ACSF2: variants seen among roughly 807,000 people sequenced by gnomAD.
The protein encoded by ACSF2 is acyl-CoA synthetase family member 2, also known as medium-chain acyl-CoA ligase ACSF2, mitochondrial.
In ACSF2, 52 loss-of-function variants were observed where a neutral mutation model predicts 79.3. The ratio of observed to expected loss-of-function variants is 0.66; its 90% CI spans 0.53 to 0.83. The LOEUF (loss-of-function observed/expected upper bound fraction) is 0.83, where lower values mean the gene tolerates loss of function less well. Among genes scored for constraint, ACSF2 ranks in the 40% least tolerant of loss-of-function variants. ACSF2 has a pLI of 0.00. For synonymous variants in ACSF2, 283 were observed against 312.6 expected, an observed-to-expected ratio of 0.91 and a Z score of 1.00; for missense variants, 661 against 803.3, an observed-to-expected ratio of 0.82 and a Z score of 2.14.
In ACSF2 at chr17:50,463,944, G is replaced by A; in HGVS notation, c.1138+35G>A. The A allele has an allele frequency of 6.3e-7, 1 of 1,598,594 alleles. No homozygotes were observed. The highest frequency in any genetic ancestry group is 1.1e-5 in the South Asian group (1 of 90,774). On this transcript the variant is annotated intron_variant, in intron 9 of 15. Coordinates refer to ENST00000300441, the MANE Select transcript of ACSF2 (RefSeq NM_025149.6). This position sits in a 1 kb window ranked among gnomAD's most constrained non-coding sequence, Gnocchi z 4.6. ...GGCCAAGGGCAGCCAGGCTTGGGGA[G>A]GGGGCTGCTTCCCCCACAGGAATGG...
chr17:50,469,348 T>C lies in ACSF2; in HGVS notation c.1216-1680T>C, dbSNP rs558040189. ...GACAGCTGGATGCGTCTCCCTGCGGTGGGCCAGCTGCCTGCGCTTTAAAGG... is the reference window on the plus strand; with the variant it reads ...GACAGCTGGATGCGTCTCCCTGCGGCGGGCCAGCTGCCTGCGCTTTAAAGG... On this transcript the variant is annotated intron_variant, in intron 10 of 15. Transcript: ENST00000300441. Among the ~76,000 whole-genome samples the C allele has an allele frequency of 6.0e-4, 91 of 152,308 alleles. 4 individuals carry two copies. The South Asian group carries it at 0.019, about 32-fold the overall frequency.
rs753937932 is a variant in ACSF2 at position 50,465,857 on chromosome 17, G to C, written c.1215+1563G>C. 6.8e-6 allele frequency: 11 copies of C among 1,613,768 alleles called. No individual in the cohort carries two copies. The East Asian group carries it at 1.1e-4, about 16-fold the overall frequency. ...TTTCAGCGTGGTTACACCCAGGAAG[G>C]CACCATCTGAGAACTGGGGAGCAAG... On this transcript the variant is annotated intron_variant, in intron 10 of 15. Transcript: ENST00000300441.
intron 1 of ACSF2, among the ~76,000 whole-genome samples, chr17:50,457,644 G>C (rs1176713479): frequency 6.6e-6 from 1 of 152,190 alleles, no homozygotes; most frequent in African/African-American, 2.4e-5. Context: ...TCTTCTTTTG[G>C]TTCTCTTCTT....
intron 1 of ACSF2, among the ~76,000 whole-genome samples, chr17:50,449,168 C>T (rs146402683): frequency 4.6e-5 from 7 of 151,736 alleles, no homozygotes; most frequent in African/African-American, 7.3e-5. Context: ...AGGCGCCCAC[C>T]ACAATGCCCA....
In ACSF2 at chr17:50,467,964, CA is replaced by C; in HGVS notation, c.1216-3063del. On this transcript the variant is annotated intron_variant, in intron 10 of 15. Coordinates refer to ENST00000300441, the MANE Select transcript of ACSF2 (RefSeq NM_025149.6). ...GGAACCTGGGGACGGGGGATGGTGCCAGCTGTGGCCCTGGCTCCTGGGGCCT... is the reference window on the plus strand; with the variant it reads ...GGAACCTGGGGACGGGGGATGGTGCCGCTGTGGCCCTGGCTCCTGGGGCCT... 3.4e-6 allele frequency: 5 copies of C among 1,457,218 alleles called. No homozygotes were observed. In the South Asian group the frequency reaches 7.0e-5, roughly 20 times the overall value. The allele number at this position is 1,457,218 out of a possible 1,614,324, so 90.3% of individuals were successfully genotyped here.
At chr17:50,442,956 CTGGAGTGCAG>C (rs1229284926) in intron 1 of ACSF2, among the ~76,000 whole-genome samples, 2 of 151,364 alleles carry the variant, frequency 1.3e-5, no homozygotes, top group South Asian at 2.1e-4. Context: ...TGTTCCCAGA[CTGGAGTGCAG>C]TGGCGCAATC....
chr17:50,465,135 T>C, intron 10 of ACSF2: 1 of 762,680 alleles, frequency 1.3e-6, no homozygotes, highest in Non-Finnish European at 2.1e-6. Flanking sequence ...GCAGGACCTT[T>C]TCCTCCCTTC....
chr17:50,474,690 C>T lies in ACSF2; in HGVS notation c.*138C>T. ...AATGTCAAGGAATTGACTGAACGAA[C>T]TAAGAGCTCCTGGATGGGTCCGGGA... On this transcript the variant is annotated 3_prime_UTR_variant, in exon 16 of 16. Coordinates refer to ENST00000300441, the MANE Select transcript of ACSF2 (RefSeq NM_025149.6). The surrounding 1 kb of genome is among the most constrained non-coding windows in gnomAD (Gnocchi z 4.2). 2.1e-6 allele frequency: 2 copies of T among 965,566 alleles called. No homozygotes were observed. Among genetic ancestry groups the T allele is most frequent in the Non-Finnish European group, 1.6e-6 (1 of 642,194 alleles). 59.8% of individuals were successfully genotyped at this position (965,566 alleles called of 1,614,324 possible).
chr17:50,464,117 A>G (rs2032528504), intron 9 of ACSF2, 101 bp from the exon 10 acceptor site: 1 of 1,388,534 alleles, frequency 7.2e-7, no homozygotes, highest in Non-Finnish European at 1.0e-6. Flanking sequence ...TCGGGGTCAG[A>G]GGAGAAAAGG....
chr17:50,472,177 C>G (rs1016532180), intron 11 of ACSF2: 2 of 486,432 alleles, frequency 4.1e-6, no homozygotes, highest in African/African-American at 4.1e-5. Context: ...TGCCTGCCCA[C>G]TCTGTTTCCT....
intron 12 of ACSF2, 87 bp downstream of exon 12, chr17:50,472,666 C>T (rs766409758): frequency 6.2e-5 from 91 of 1,458,896 alleles, no homozygotes; most frequent in African/African-American, 2.0e-4. Flanking sequence ...AACCTGGCAC[C>T]GTGAGGATGT....
At chr17:50,439,217 C>G (rs1281803745) in intron 1 of ACSF2, among the ~76,000 whole-genome samples, 1 of 141,392 alleles carries the variant, frequency 7.1e-6, no homozygotes, top group Non-Finnish European at 1.5e-5. Flanking sequence ...ACGACAGGTG[C>G]ATGCTACCAC....
chr17:50,472,965 A>C, intron 12 of ACSF2: 1 of 163,636 alleles, frequency 6.1e-6, no homozygotes, highest in Non-Finnish European at 1.3e-5. Flanking sequence ...AAATAACACC[A>C]AGAAAATAGG....
Position 50,474,441 on chromosome 17 carries a change from C to A in ACSF2, c.1798-61C>A. 1.3e-6 allele frequency: 2 copies of A among 1,579,752 alleles called. No homozygotes were observed. Among genetic ancestry groups the A allele is most frequent in the East Asian group, 2.2e-5 (1 of 44,698 alleles). On this transcript the variant is annotated intron_variant, in intron 15 of 15. Transcript: ENST00000300441. The surrounding 1 kb of genome is among the most constrained non-coding windows in gnomAD (Gnocchi z 4.2). ...GTTTTGGCACTAAGAGCCTGAGAAA[C>A]CCCTTATTCTTGGGTGAACCAAGAC...
At chr17:50,449,010 C>CTTTTTTTT (rs1157696530) in intron 1 of ACSF2, among the ~76,000 whole-genome samples, 2 of 101,240 alleles carry the variant, frequency 2.0e-5, no homozygotes, top group African/African-American at 3.8e-5. Context: ...AATATGTAGT[C>CTTTTTTTT]TTTTTTTTTT....
At chr17:50,459,607 G>A (rs1476298066) in intron 1 of ACSF2, among the ~76,000 whole-genome samples, 1 of 152,152 alleles carries the variant, frequency 6.6e-6, no homozygotes, top group Non-Finnish European at 1.5e-5. Context: ...GGAAGTGCAG[G>A]TTCTCCTCCA....
intron 1 of ACSF2, among the ~76,000 whole-genome samples, chr17:50,442,182 G>A (rs1350150465): frequency 6.6e-6 from 1 of 152,032 alleles, no homozygotes; most frequent in African/African-American, 2.4e-5. Context: ...GTGCATGCCT[G>A]TAGTCCCAGC....
rs1369578487 is a variant in ACSF2 at position 50,462,585 on chromosome 17, G to A, written c.792G>A (p.Ser264=). The part of the protein sequence containing the change: ...CHDPINIQFT[S]GTTGSPKGAT... ...ACCCCATCAACATCCAGTTCACCTCGGTAGGGCAGAGGTCTCCAGGCCCCA... is the reference window on the plus strand; with the variant it reads ...ACCCCATCAACATCCAGTTCACCTCAGTAGGGCAGAGGTCTCCAGGCCCCA... The change falls in exon 6 of 16, where the codon TCG becomes TCA. Residue 264 remains serine (S), a splice_region_variant and synonymous_variant. Transcript: ENST00000300441. 35 of 1,612,440 alleles carry A rather than the reference G, an allele frequency of 2.2e-5. No individual in the cohort carries two copies. Among genetic ancestry groups the A allele is most frequent in the Middle Eastern group, 1.7e-4 (1 of 6,046 alleles).
In ACSF2 at chr17:50,468,589, C is replaced by T. The variant is rs2143778271; in HGVS notation, c.1216-2439C>T. The T allele has an allele frequency of 4.3e-6, 7 of 1,614,164 alleles. No homozygotes were observed. In the East Asian group the frequency reaches 1.1e-4, roughly 26 times the overall value. ...GCTGCAGGTGCAATGACACGAGGTT[C>T]GGCATGGCCCGGAACGAATTGGCAG... On this transcript the variant is annotated intron_variant, in intron 10 of 15. Coordinates refer to ENST00000300441, the MANE Select transcript of ACSF2 (RefSeq NM_025149.6).
Sources: gnomAD v4.1 joint callset for allele counts (sites outside exome capture counted in the v4.1 genomes callset) on GRCh38, gnomAD v4.1.1 for gene constraint, Gnocchi (gnomAD v3.1) non-coding constraint, MANE v1.5 for transcripts, NCBI Gene and HGNC (gene_info 2026-07-23, HGNC 2026-07-21) for gene names.